The following KIFAP3 variants were observed in gnomAD, a reference collection of about 807,000 sequenced individuals.
KIFAP3 encodes kinesin-associated protein 3.
KIFAP3 carries 68 observed loss-of-function variants against 106.5 expected under a neutral mutation model. That is an observed-to-expected ratio of 0.64 (90% CI 0.53 to 0.78). KIFAP3 has a LOEUF of 0.78. KIFAP3 is among the 30% of genes least tolerant of loss of function. The pLI is 0.00. For synonymous variants in KIFAP3, 320 were observed against 311.5 expected (o/e 1.03, Z -0.29); for missense variants, 780 against 941.8 (o/e 0.83, Z 2.25).
intron 19 of KIFAP3, among the ~76,000 whole-genome samples, chr1:169,927,934 G>A (rs1188453714): frequency 9.2e-5 from 14 of 151,872 alleles, no homozygotes; most frequent in Admixed American, 8.5e-4. Flanking sequence ...CAAATTCTAT[G>A]TTTTAGGAAG....
At chr1:170,013,857 CT>C (rs1450793228) in intron 10 of KIFAP3, among the ~76,000 whole-genome samples, 1 of 152,166 alleles carries the variant, frequency 6.6e-6, no homozygotes, top group African/African-American at 2.4e-5. Flanking sequence ...GAATTTGTCA[CT>C]TCAAAAGTGG....
chr1:170,068,757 A>G (rs947337232), intron 1 of KIFAP3: 1 of 152,046 alleles, frequency 6.6e-6, no homozygotes, highest in Non-Finnish European at 1.5e-5. Context: ...GATCCACAAT[A>G]AGACACTCTA....
chr1:169,956,579 A>T (rs1343091583), intron 18 of KIFAP3, among the ~76,000 whole-genome samples: 1 of 151,828 alleles, frequency 6.6e-6, no homozygotes, highest in African/African-American at 2.4e-5. Context: ...TTATGTGAAT[A>T]AAAAAAGAGT....
intron 2 of KIFAP3, among the ~76,000 whole-genome samples, chr1:170,051,515 C>G (rs939526409): frequency 6.6e-5 from 10 of 152,238 alleles, no homozygotes; most frequent in Admixed American, 5.2e-4. Context: ...CCACAGAACT[C>G]TCTACTCCAA....
intron 9 of KIFAP3, among the ~76,000 whole-genome samples, chr1:170,016,865 T>A (rs1668548413): frequency 3.3e-5 from 5 of 152,170 alleles, no homozygotes; most frequent in African/African-American, 1.2e-4. Flanking sequence ...CAAATTACAT[T>A]TGATCCTTGA....
chr1:170,037,437 G>C (rs1669745388), intron 5 of KIFAP3, among the ~76,000 whole-genome samples: 1 of 152,046 alleles, frequency 6.6e-6, no homozygotes, highest in Non-Finnish European at 1.5e-5. Context: ...CATTTAAAAT[G>C]ATTCTATAGG....
At chr1:169,925,643 A>G (rs541001511) in intron 19 of KIFAP3, among the ~76,000 whole-genome samples, 1 of 152,198 alleles carries the variant, frequency 6.6e-6, no homozygotes, top group South Asian at 2.1e-4. Context: ...GGAACAAAGA[A>G]ATCTGGAAAT....
At chr1:170,033,981 A>G (rs1669550743) in intron 7 of KIFAP3, among the ~76,000 whole-genome samples, 1 of 151,798 alleles carries the variant, frequency 6.6e-6, no homozygotes, top group African/African-American at 2.4e-5. Context: ...CACCAAATTT[A>G]CACCCATTCT....
chr1:170,006,676 C>G (rs1182520385), intron 10 of KIFAP3, among the ~76,000 whole-genome samples: 2 of 152,044 alleles, frequency 1.3e-5, no homozygotes, highest in Non-Finnish European at 2.9e-5. Flanking sequence ...GATGAAGTTA[C>G]CATTTACTGA....
chr1:170,043,324 T>A (rs552926849), intron 3 of KIFAP3, among the ~76,000 whole-genome samples: 1 of 152,312 alleles, frequency 6.6e-6, no homozygotes, highest in East Asian at 1.9e-4. Flanking sequence ...TGGTTATACA[T>A]GATCCAGAAA....
intron 9 of KIFAP3, among the ~76,000 whole-genome samples, chr1:170,022,678 AG>A (rs1039121713): frequency 1.3e-5 from 2 of 152,202 alleles, no homozygotes; most frequent in African/African-American, 4.8e-5. Flanking sequence ...TCACAATAAA[AG>A]GTAAAATCCA....
At chr1:169,979,321 T>C (rs1040108884) in intron 15 of KIFAP3, among the ~76,000 whole-genome samples, 2 of 152,160 alleles carry the variant, frequency 1.3e-5, no homozygotes, top group East Asian at 3.8e-4. Context: ...GAAAACTGAC[T>C]GTGAGAAGAG....
chr1:170,035,940 T>C lies in KIFAP3; in HGVS notation c.518-387A>G, dbSNP rs570378165. On this transcript the variant is annotated intron_variant, in intron 5 of 19. Transcript: ENST00000361580. ...ACATCTGATTTAATGTATTTGATAA[T>C]ATGAAAAAAACTTGAATAAGTCTAG... 1.6e-4 allele frequency among the ~76,000 whole-genome samples: 24 copies of C among 152,020 alleles called. No individual in the cohort carries two copies. The South Asian group carries it at 5.0e-3, about 31-fold the overall frequency.
At chr1:170,021,311 C>T (rs536308300) in intron 9 of KIFAP3, among the ~76,000 whole-genome samples, 1 of 151,336 alleles carries the variant, frequency 6.6e-6, no homozygotes, top group Non-Finnish European at 1.5e-5. Flanking sequence ...AAAACTGCCA[C>T]AAGCTTCAAT....
intron 18 of KIFAP3, among the ~76,000 whole-genome samples, chr1:169,959,527 T>C (rs539035065): frequency 7.4e-4 from 112 of 152,266 alleles, no homozygotes; most frequent in Non-Finnish European, 7.4e-5. Flanking sequence ...TACATTGTAA[T>C]TAAAAAGTAT....
chr1:169,940,911 ATGTGTGTGTGTGTGTGTGTG>A (rs3838394), intron 19 of KIFAP3, among the ~76,000 whole-genome samples: 1 of 148,024 alleles, frequency 6.8e-6, no homozygotes, highest in Non-Finnish European at 1.5e-5. Flanking sequence ...TTTAAGAATT[ATGTGTGTGTGTGTGTGTGTG>A]TGTGTGTGTG....
At chr1:170,081,032 T>C (rs1672011737) in intron 1 of KIFAP3, among the ~76,000 whole-genome samples, 1 of 152,276 alleles carries the variant, frequency 6.6e-6, no homozygotes, top group African/African-American at 2.4e-5. Flanking sequence ...CATAAAACAA[T>C]TTAGAAAACT....
intron 6 of KIFAP3, 127 bp from the exon 7 acceptor site, chr1:170,034,623 A>G (rs1342291547): frequency 4.3e-6 from 2 of 460,470 alleles, no homozygotes; most frequent in African/African-American, 4.2e-5. Context: ...TTAATAAATG[A>G]ATATATCCAC....
At chr1:170,029,585 A>AAAC (rs151182859) in intron 8 of KIFAP3, among the ~76,000 whole-genome samples, 9,904 of 151,528 alleles carry the variant, frequency 0.065, 391 homozygotes, top group Non-Finnish European at 0.095. Flanking sequence ...GCTTCCACTT[A>AAAC]AACAACAACA....
Sources: gnomAD v4.1 joint callset for allele counts (sites outside exome capture counted in the v4.1 genomes callset) on GRCh38, gnomAD v4.1.1 for gene constraint, MANE v1.5 for transcripts, NCBI Gene and HGNC (gene_info 2026-07-23, HGNC 2026-07-21) for gene names.